The following APP variants were observed in gnomAD, a reference collection of about 807,000 sequenced individuals.
APP encodes the protein amyloid beta precursor protein.
Under a neutral mutation model 101.4 loss-of-function variants are expected in APP, and 31 were observed. The observed-to-expected ratio is 0.31, with a 90% CI of 0.23 to 0.41. APP has a LOEUF of 0.41. Among genes scored for constraint, APP ranks in the 10% least tolerant of loss-of-function variants. The probability of loss-of-function intolerance (pLI) is 1.00; values close to 1 mark genes in which losing one functional copy is unlikely to be tolerated. For synonymous variants in APP, 366 were observed against 364.4 expected (o/e 1.00, Z -0.05); for missense variants, 839 against 1,003.7 (o/e 0.84, Z 2.22).
intron 2 of APP, among the ~76,000 whole-genome samples, chr21:26,091,153 C>T (rs903912418): frequency 3.3e-5 from 5 of 152,054 alleles, no homozygotes; most frequent in Admixed American, 1.3e-4. Flanking sequence ...TAAATAACAA[C>T]GAATAGAGAA....
chr21:25,983,065 G>A (rs908618682), intron 8 of APP, among the ~76,000 whole-genome samples: 3 of 152,144 alleles, frequency 2.0e-5, no homozygotes, highest in Non-Finnish European at 4.4e-5. Flanking sequence ...GGACTTTTCT[G>A]TCTTCATAAA....
chr21:26,005,010 T>C (rs1016161326), intron 6 of APP, among the ~76,000 whole-genome samples: 7 of 152,298 alleles, frequency 4.6e-5, no homozygotes, highest in Middle Eastern at 6.8e-3. Context: ...GCATAGTATT[T>C]CATGGTGTAT....
intron 13 of APP, among the ~76,000 whole-genome samples, chr21:25,938,617 C>T (rs551620407): frequency 6.6e-6 from 1 of 152,178 alleles, no homozygotes; most frequent in South Asian, 2.1e-4. Context: ...GCCCAAGAAT[C>T]TGTATTTTTA....
chr21:25,896,385 A>G (rs2038044613), intron 16 of APP, among the ~76,000 whole-genome samples: 1 of 151,982 alleles, frequency 6.6e-6, no homozygotes, highest in African/African-American at 2.4e-5. Flanking sequence ...ATGAATATTG[A>G]AAAGACATTT....
chr21:25,901,433 CAG>C (rs969184462), intron 15 of APP, among the ~76,000 whole-genome samples: 1 of 150,762 alleles, frequency 6.6e-6, no homozygotes, highest in African/African-American at 2.4e-5. Flanking sequence ...GTCAGCATGA[CAG>C]ATAAATTCAT....
At chr21:26,113,571 G>A (rs978651990) in intron 1 of APP, among the ~76,000 whole-genome samples, 1 of 152,096 alleles carries the variant, frequency 6.6e-6, no homozygotes, top group East Asian at 1.9e-4. Flanking sequence ...AATATTTAAC[G>A]AAATTCTGCC....
rs557651434 is a variant in APP at position 26,006,993 on chromosome 21, T to C, written c.866-6811A>G. 1.1e-4 allele frequency among the ~76,000 whole-genome samples: 16 copies of C among 152,284 alleles called. No individual in the cohort carries two copies. The South Asian group carries it at 3.1e-3, about 30-fold the overall frequency. On this transcript the variant is annotated intron_variant, in intron 6 of 17. Transcript: ENST00000346798. ...CCATGTGATGTATAAATTTTAAATT[T>C]ACAAATTTTGGGAAAGCAGTCACAA...
intron 5 of APP, among the ~76,000 whole-genome samples, chr21:26,033,038 G>A (rs183654492): frequency 3.3e-5 from 5 of 151,762 alleles, no homozygotes; most frequent in African/African-American, 1.2e-4. Context: ...GGTAAACTGG[G>A]ACATGATGAA....
At position 26,089,078 on chromosome 21, in the gene APP, A is replaced by G. The variant is rs184394922; in HGVS notation, c.355+865T>C. The stretch of plus-strand genomic sequence containing the variant: ...AATATTCCTTTTAACCTTTATAAGA[A>G]GTCATCAGAATATACATCAATATTT... On this transcript the variant is annotated intron_variant, in intron 3 of 17. Coordinates refer to ENST00000346798, the MANE Select transcript of APP (RefSeq NM_000484.4). Among the ~76,000 whole-genome samples, 112 of 152,336 alleles carry G rather than the reference A, an allele frequency of 7.4e-4. 1 individual carries two copies. The highest frequency in any genetic ancestry group is 2.4e-3 in the African/African-American group (100 of 41,572).
chr21:25,911,528 AAAG>A (rs573552081), intron 14 of APP, among the ~76,000 whole-genome samples: 81 of 152,354 alleles, frequency 5.3e-4, no homozygotes, highest in African/African-American at 1.7e-3. Flanking sequence ...TAAAAAATAT[AAAG>A]AATAATTTAC....
At chr21:25,982,927 A>AC in intron 8 of APP, among the ~76,000 whole-genome samples, 1 of 18,568 alleles carries the variant, frequency 5.4e-5, no homozygotes, top group East Asian at 1.6e-3. Flanking sequence ...GAATAACGGC[A>AC]CCCCAGGGAA....
intron 17 of APP, among the ~76,000 whole-genome samples, chr21:25,888,376 CCT>C (rs2037476673): frequency 6.6e-6 from 1 of 152,136 alleles, no homozygotes; most frequent in South Asian, 2.1e-4. Flanking sequence ...GTTGCAACTC[CCT>C]GTGTTCAGGT....
intron 6 of APP, among the ~76,000 whole-genome samples, chr21:26,014,169 C>T (rs951733522): frequency 6.6e-6 from 1 of 152,220 alleles, no homozygotes; most frequent in Non-Finnish European, 1.5e-5. Flanking sequence ...CATGCTACTA[C>T]TGAGGCCTCC....
At chr21:26,147,337 T>C (rs896844730) in intron 1 of APP, among the ~76,000 whole-genome samples, 3 of 152,228 alleles carry the variant, frequency 2.0e-5, no homozygotes, top group Non-Finnish European at 4.4e-5. Flanking sequence ...GCTGATAGCA[T>C]ATAATGTTAA....
intron 5 of APP, among the ~76,000 whole-genome samples, chr21:26,037,016 G>A (rs551299145): frequency 3.4e-4 from 51 of 152,206 alleles, no homozygotes; most frequent in African/African-American, 1.2e-3. Flanking sequence ...GTGCATGCAC[G>A]TATAATGAAA....
At chr21:25,971,054 C>CT (rs977151119) in intron 11 of APP, among the ~76,000 whole-genome samples, 1,614 of 145,950 alleles carry the variant, frequency 0.011, 16 homozygotes, top group African/African-American at 0.035. Flanking sequence ...AACAGCGTTT[C>CT]TTTTTTTTTT....
At chr21:25,895,110 CTTTT>C (rs142828503) in intron 16 of APP, among the ~76,000 whole-genome samples, 2 of 142,634 alleles carry the variant, frequency 1.4e-5, no homozygotes, top group African/African-American at 2.6e-5. Context: ...ATATACATGG[CTTTT>C]TTTTTTTTTA....
At chr21:25,947,084 G>A (rs909371524) in intron 13 of APP, among the ~76,000 whole-genome samples, 7 of 152,062 alleles carry the variant, frequency 4.6e-5, no homozygotes, top group African/African-American at 1.7e-4. Flanking sequence ...GTATCTGTTT[G>A]CCAATGGTAA....
chr21:25,904,929 A>C, intron 15 of APP, 95 bp downstream of exon 15: 1 of 1,077,700 alleles, frequency 9.3e-7, no homozygotes, highest in Non-Finnish European at 1.4e-6. Context: ...TGCAGTAAGT[A>C]CAATTGAGAG....
Sources: gnomAD v4.1 joint callset for allele counts (sites outside exome capture counted in the v4.1 genomes callset) on GRCh38, gnomAD v4.1.1 for gene constraint, MANE v1.5 for transcripts, NCBI Gene and HGNC (gene_info 2026-07-23, HGNC 2026-07-21) for gene names.